DGKB: variants seen among roughly 807,000 people sequenced by gnomAD.
The protein encoded by DGKB is diacylglycerol kinase beta.
In DGKB, 67 loss-of-function variants were observed where a neutral mutation model predicts 114.3. The ratio of observed to expected loss-of-function variants is 0.59; its 90% CI spans 0.48 to 0.72. DGKB has a LOEUF of 0.72. Ranked by LOEUF, DGKB falls within the 30% of genes least tolerant of loss-of-function variation. DGKB has a pLI of 0.00. For synonymous variants in DGKB, 398 were observed against 323.1 expected, an observed-to-expected ratio of 1.23 and a Z score of -2.49; for missense variants, 907 against 975.2, an observed-to-expected ratio of 0.93 and a Z score of 0.93.
chr7:14,662,006 G>T (rs978446488), intron 13 of DGKB, among the ~76,000 whole-genome samples: 5 of 151,990 alleles, frequency 3.3e-5, no homozygotes, highest in Non-Finnish European at 7.4e-5. Context: ...AATGAACAAT[G>T]AGAACACATG....
chr7:14,768,353 T>C (rs1408354570), intron 2 of DGKB, among the ~76,000 whole-genome samples: 6 of 151,888 alleles, frequency 4.0e-5, no homozygotes, highest in African/African-American at 1.5e-4. Context: ...CTATAGGATA[T>C]TCTTCTCACA....
At chr7:14,796,028 G>T (rs903068383) in intron 2 of DGKB, among the ~76,000 whole-genome samples, 2 of 152,036 alleles carry the variant, frequency 1.3e-5, no homozygotes, top group Non-Finnish European at 2.9e-5. Flanking sequence ...AATTAATTTT[G>T]CTCTCAAAAT....
intron 1 of DGKB, among the ~76,000 whole-genome samples, chr7:14,961,066 A>G (rs1786813762): frequency 6.6e-6 from 1 of 151,634 alleles, no homozygotes; most frequent in Non-Finnish European, 1.5e-5. Flanking sequence ...CTAAGGAGAA[A>G]AAGCATACAA....
rs1412266714 is a variant in DGKB at position 14,607,435 on chromosome 7, C to G, written c.1432G>C (p.Gly478Arg). Residue 478 changes from glycine (G) to arginine (R), a missense_variant and splice_region_variant, in exon 17 of 26, where the codon GGG becomes CGG. By Grantham distance (125) the Gly-to-Arg change is moderately radical. This residue lies in a region of DGKB where 814 missense variants were observed against 856.6 expected (regional missense o/e 0.95). Transcript: ENST00000402815. The stretch of plus-strand genomic sequence containing the variant: ...TAATAATATTATCCTTGGACTTACC[C>G]TGGCATTGGTCCATTTCCAGAAAGA... Reference protein sequence around the residue: ...YSLSGNGPMPGLNFFRDVPDF... With the variant: ...YSLSGNGPMPRLNFFRDVPDF... 2 of 1,508,006 alleles carry G rather than the reference C, an allele frequency of 1.3e-6. No homozygotes were observed. Among genetic ancestry groups the G allele is most frequent in the Non-Finnish European group, 1.8e-6 (2 of 1,086,478 alleles). 93.4% of individuals were successfully genotyped at this position (1,508,006 alleles called of 1,614,324 possible).
intron 23 of DGKB, among the ~76,000 whole-genome samples, chr7:14,302,170 A>C (rs1036242941): frequency 6.6e-6 from 1 of 152,094 alleles, no homozygotes; most frequent in African/African-American, 2.4e-5. Context: ...ACAATATATA[A>C]TGTTTAGGAA....
At chr7:14,209,064 G>A in intron 23 of DGKB, 2 of 167,138 alleles carry the variant, frequency 1.2e-5, no homozygotes, top group South Asian at 2.7e-4. Flanking sequence ...TTCCTGTAGG[G>A]CACATGTCTC....
At chr7:14,579,490 T>C (rs1436060195) in intron 19 of DGKB, among the ~76,000 whole-genome samples, 1 of 152,224 alleles carries the variant, frequency 6.6e-6, no homozygotes, top group East Asian at 1.9e-4. Context: ...CAGGAGAACA[T>C]GGCAAGAAGA....
chr7:14,439,003 T>G (rs558441592), intron 21 of DGKB, among the ~76,000 whole-genome samples: 1 of 152,136 alleles, frequency 6.6e-6, no homozygotes, highest in Admixed American at 6.6e-5. Flanking sequence ...TTTTTTTCTT[T>G]TAGTTCAAGT....
chr7:14,630,463 A>G (rs982257888), intron 13 of DGKB, among the ~76,000 whole-genome samples, 195 bp from the exon 14 acceptor site: 1 of 152,120 alleles, frequency 6.6e-6, no homozygotes, highest in African/African-American at 2.4e-5. Flanking sequence ...TATCTAACAC[A>G]GAGTGGGTTA....
At chr7:14,230,511 T>TA (rs57964301) in intron 23 of DGKB, among the ~76,000 whole-genome samples, 34,376 of 151,758 alleles carry the variant, frequency 0.23, 3,961 homozygotes, top group Middle Eastern at 0.32. Flanking sequence ...CTCCACAAAT[T>TA]AAAAAACAGG....
intron 21 of DGKB, among the ~76,000 whole-genome samples, chr7:14,438,858 A>G (rs1277729039): frequency 6.6e-6 from 1 of 152,122 alleles, no homozygotes; most frequent in East Asian, 1.9e-4. Flanking sequence ...CATGTTTTAA[A>G]ATCAAAGTAA....
chr7:14,161,808 A>C (rs1783937022), intron 25 of DGKB, among the ~76,000 whole-genome samples: 1 of 152,230 alleles, frequency 6.6e-6, no homozygotes, highest in African/African-American at 2.4e-5. Context: ...TGGAACTTAA[A>C]GTATAATTAA....
At chr7:14,841,747 C>T (rs1028214835) in intron 1 of DGKB, among the ~76,000 whole-genome samples, 8 of 152,140 alleles carry the variant, frequency 5.3e-5, no homozygotes, top group Non-Finnish European at 5.9e-5. Flanking sequence ...CTAAAATAAG[C>T]TCTCTAGCTC....
chr7:14,517,360 G>A (rs773070846), intron 20 of DGKB, among the ~76,000 whole-genome samples: 10 of 151,852 alleles, frequency 6.6e-5, no homozygotes, highest in Admixed American at 2.6e-4. Context: ...AACCATGGAA[G>A]ACAGCCTAGG....
intron 21 of DGKB, among the ~76,000 whole-genome samples, chr7:14,356,585 C>T (rs2128619108): frequency 6.6e-6 from 1 of 152,048 alleles, no homozygotes; most frequent in South Asian, 2.1e-4. Flanking sequence ...TGGTCTCAAT[C>T]TCCTGACCTC....
At chr7:14,937,025 TACACACACACACACACACACACAC>T (rs56176139) in intron 1 of DGKB, among the ~76,000 whole-genome samples, 5 of 132,282 alleles carry the variant, frequency 3.8e-5, no homozygotes, top group African/African-American at 8.4e-5. Flanking sequence ...GTCCATTCAC[TACACACACACACACACACACACAC>T]ACACACACAC....
At position 14,855,821 on chromosome 7, in the gene DGKB, C is replaced by A. The variant is rs184943497; in HGVS notation, c.-187-14371G>T. On this transcript the variant is annotated intron_variant, in intron 1 of 25. Transcript: ENST00000402815. The stretch of plus-strand genomic sequence containing the variant: ...ATTTCAATTCTATTTCTGTAAAGAG[C>A]AACTCATATATATCTTTGAAAAATA... Among the ~76,000 whole-genome samples, 208 of 152,068 alleles carry A rather than the reference C, an allele frequency of 1.4e-3. 3 individuals carry two copies. The highest frequency in any genetic ancestry group is 2.4e-3 in the Non-Finnish European group (165 of 67,984).
intron 13 of DGKB, among the ~76,000 whole-genome samples, chr7:14,642,033 T>A (rs1216724501): frequency 6.6e-6 from 1 of 152,134 alleles, no homozygotes; most frequent in Non-Finnish European, 1.5e-5. Context: ...GATAGCATGA[T>A]CTCTTTTCAA....
At chr7:14,797,123 T>G (rs998933128) in intron 2 of DGKB, among the ~76,000 whole-genome samples, 1 of 152,202 alleles carries the variant, frequency 6.6e-6, no homozygotes, top group Non-Finnish European at 1.5e-5. Context: ...TTTTTACTTT[T>G]TACTTTCATG....
Sources: gnomAD v4.1 joint callset for allele counts (sites outside exome capture counted in the v4.1 genomes callset) on GRCh38, gnomAD v4.1.1 for gene constraint, gnomAD v4.1.1 regional missense constraint, MANE v1.5 for transcripts, NCBI Gene and HGNC (gene_info 2026-07-23, HGNC 2026-07-21) for gene names.